Variants in AGAP3 observed in about 807,000 individuals in gnomAD.
AGAP3 encodes the protein ArfGAP with GTPase domain, ankyrin repeat and PH domain 3.
AGAP3 carries 24 observed loss-of-function variants against 96.9 expected under a neutral mutation model. The ratio of observed to expected loss-of-function variants is 0.25; its 90% CI spans 0.18 to 0.35. The LOEUF is 0.35. Among genes scored for constraint, AGAP3 ranks in the 10% least tolerant of loss-of-function variants. The pLI is 1.00. For synonymous variants in AGAP3, 563 were observed against 536.1 expected (o/e 1.05, Z -0.69); for missense variants, 876 against 1,254.2 (o/e 0.70, Z 4.55).
rs776750776 is a variant in AGAP3 at position 151,134,421 on chromosome 7, G to A, written c.1348G>A (p.Gly450Ser). 1.4e-5 allele frequency: 23 copies of A among 1,613,610 alleles called. No individual in the cohort carries two copies. Among genetic ancestry groups the A allele is most frequent in the Non-Finnish European group, 1.9e-5 (23 of 1,180,018 alleles). ...GCAGGATTACATGCAGAACATCCAC[G>A]GCAAGGAGATTGACCTGCTGCGGAC... is the stretch of plus-strand genomic sequence containing the variant. ...SLHDYMQNIH[G>S]KEIDLLRTTV... The change falls in exon 11 of 18, where the codon GGC becomes AGC. Residue 450 changes from glycine (G) to serine (S), a missense_variant. Physicochemically the swap from Gly to Ser is moderately conservative, Grantham distance 56. Transcript: ENST00000397238.
In AGAP3 at chr7:151,115,979, G is replaced by A. The variant is rs554533879; in HGVS notation, c.332-814G>A. ...TGAGGTTAGGGACTGCTGTGGACCT[G>A]GTCGTCATAACTGCTCTTTGACACA... is the stretch of plus-strand genomic sequence containing the variant. On this transcript the variant is annotated intron_variant, in intron 1 of 17. Transcript: ENST00000397238. Among the ~76,000 whole-genome samples the A allele has an allele frequency of 5.6e-4, 86 of 152,322 alleles. 1 individual carries two copies. The Middle Eastern group carries it at 0.014, about 24-fold the overall frequency.
chr7:151,120,445 T>C (rs900672524), intron 8 of AGAP3: 23 of 669,820 alleles, frequency 3.4e-5, no homozygotes, highest in Admixed American at 2.1e-4. Context: ...CTAGGCCCCT[T>C]TAGGGTGTCT....
intron 1 of AGAP3, among the ~76,000 whole-genome samples, chr7:151,110,999 C>T (rs901521120): frequency 1.3e-5 from 2 of 152,096 alleles, no homozygotes; most frequent in African/African-American, 4.8e-5. Context: ...GGACTGTGGC[C>T]CCACTGGGGA....
At position 151,143,247 on chromosome 7, in the gene AGAP3, C is replaced by T. The variant is rs370363045; in HGVS notation, c.2274-94C>T. The T allele has an allele frequency of 4.1e-5, 59 of 1,441,708 alleles. No homozygotes were observed. The highest frequency in any genetic ancestry group is 4.6e-5 in the East Asian group (2 of 43,560). The allele number at this position is 1,441,708 out of a possible 1,614,324, so 89.3% of individuals were successfully genotyped here. A position where few individuals can be genotyped will look rare whatever the true frequency, so the allele number is the denominator to read the frequency against. ...TCTCACTGTTTCTTCCTTGTTCCCC[C>T]GGGTGCTCGCTTCCTTTCCTGCCCA... On this transcript the variant is annotated intron_variant, in intron 16 of 17. Coordinates refer to ENST00000397238, the MANE Select transcript of AGAP3 (RefSeq NM_031946.7). This position sits in a 1 kb window ranked among gnomAD's most constrained non-coding sequence, Gnocchi z 5.9.
chr7:151,121,350 C>G lies in AGAP3; in HGVS notation c.1128+1205C>G, dbSNP rs574288713. Reference sequence around the variant, plus strand: ...TTGAGACATTAGAGCGTGGGGGGGGCCGCCTGCTCGAGCCCACACCTGCTG... The same window carrying G: ...TTGAGACATTAGAGCGTGGGGGGGGGCGCCTGCTCGAGCCCACACCTGCTG... On this transcript the variant is annotated intron_variant, in intron 8 of 17. Coordinates refer to ENST00000397238, the MANE Select transcript of AGAP3 (RefSeq NM_031946.7). 1.7e-4 allele frequency among the ~76,000 whole-genome samples: 26 copies of G among 151,792 alleles called. No homozygotes were observed. The South Asian group carries it at 4.2e-3, about 24-fold the overall frequency.
In AGAP3 at chr7:151,096,021, C is replaced by T. The variant is rs1279675469; in HGVS notation, c.331+8949C>T. Among the ~76,000 whole-genome samples the T allele has an allele frequency of 6.6e-6, 1 of 152,186 alleles. No homozygotes were observed. Among genetic ancestry groups the T allele is most frequent in the Non-Finnish European group, 1.5e-5 (1 of 68,040 alleles). ...TGTGACCTCGGGTGAGTTCCTTAAC[C>T]CCTCTGTGTCTTAGCTTCGCCATTG... On this transcript the variant is annotated intron_variant, in intron 1 of 17. Coordinates refer to ENST00000397238, the MANE Select transcript of AGAP3 (RefSeq NM_031946.7). The surrounding 1 kb of genome is among the most constrained non-coding windows in gnomAD (Gnocchi z 4.4).
chr7:151,102,035 G>A (rs573476834), intron 1 of AGAP3, among the ~76,000 whole-genome samples: 1 of 152,328 alleles, frequency 6.6e-6, no homozygotes, highest in Admixed American at 6.5e-5. Context: ...GCAGATGACA[G>A]CCTGCTTAGG....
In AGAP3 at chr7:151,118,344, G is replaced by T; in HGVS notation, c.841G>T (p.Val281Leu). 1 of 1,608,542 alleles carries T rather than the reference G, an allele frequency of 6.2e-7. No individual in the cohort carries two copies. Among genetic ancestry groups the T allele is most frequent in the Non-Finnish European group, 8.5e-7 (1 of 1,175,672 alleles). Residue 281 changes from valine to leucine, a missense_variant and splice_region_variant, in exon 6 of 18, where the codon GTG (valine) becomes TTG (leucine). Transcript: ENST00000397238. This position sits in a 1 kb window ranked among gnomAD's most constrained non-coding sequence, Gnocchi z 6.1. Reference sequence around the variant, plus strand: ...CAATGTGGAGCGTGTCTTCCAGGACGGTAACTCGGGTGCCGGGTGGGAGTC... The same window carrying T: ...CAATGTGGAGCGTGTCTTCCAGGACTGTAACTCGGGTGCCGGGTGGGAGTC... The part of the protein sequence containing the change: ...GLNVERVFQD[V>L]AQKVVALRKK...
chr7:151,086,840 C>G lies in AGAP3; in HGVS notation c.99C>G (p.Gly33=), dbSNP rs2150396402. 1 of 969,246 alleles carries G rather than the reference C, an allele frequency of 1.0e-6. No individual in the cohort carries two copies. The highest frequency in any genetic ancestry group is 4.6e-5 in the South Asian group (1 of 21,710). The allele number at this position is 969,246 out of a possible 1,614,324, so 60.0% of individuals were successfully genotyped here. ...CTGCCGCGCAGCAGCTCGTCTGCGG[C>G]GGGCAGTTCGGCGGCGCGGGGCCCG... is the stretch of plus-strand genomic sequence containing the variant. ...GGAAAQQLVC[G]GQFGGAGPGA... is the part of the protein sequence containing the mutation. Residue 33 remains glycine (G), a synonymous_variant, in exon 1 of 18, where the codon GGC becomes GGG. Coordinates refer to ENST00000397238, the MANE Select transcript of AGAP3 (RefSeq NM_031946.7).
chr7:151,138,083 A>G lies in AGAP3; in HGVS notation c.1496-60A>G, dbSNP rs903907582. 6.3e-6 allele frequency: 8 copies of G among 1,264,256 alleles called. No homozygotes were observed. The East Asian group carries it at 1.0e-4, about 16-fold the overall frequency. The allele number at this position is 1,264,256 out of a possible 1,614,324, so 78.3% of individuals were successfully genotyped here. On this transcript the variant is annotated intron_variant, in intron 11 of 17. Transcript: ENST00000397238. ...TCTGCAGCTCTATTTTTAGGATAGT[A>G]TCTTTGAGAATCCTCCCCTGCCCGG...
chr7:151,142,776 G>T lies in AGAP3; in HGVS notation c.2273+142G>T, dbSNP rs1800870376. The T allele has an allele frequency of 2.3e-6, 2 of 886,924 alleles. No homozygotes were observed. Among genetic ancestry groups the T allele is most frequent in the South Asian group, 1.7e-5 (1 of 58,120 alleles). 54.9% of individuals were successfully genotyped at this position (886,924 alleles called of 1,614,324 possible). ...CTGCTTGGCAGTTGGCCCCTTGGGGGTGCCCCTCCTGCTCTGGTGCCTGTC... is the reference window on the plus strand; with the variant it reads ...CTGCTTGGCAGTTGGCCCCTTGGGGTTGCCCCTCCTGCTCTGGTGCCTGTC... On this transcript the variant is annotated intron_variant, in intron 16 of 17. Coordinates refer to ENST00000397238, the MANE Select transcript of AGAP3 (RefSeq NM_031946.7). The surrounding 1 kb of genome is among the most constrained non-coding windows in gnomAD (Gnocchi z 7.5).
chr7:151,116,726 G>A, intron 1 of AGAP3, 67 bp from the exon 2 acceptor site: 1 of 1,580,204 alleles, frequency 6.3e-7, no homozygotes, highest in Non-Finnish European at 8.7e-7. Context: ...AGGTGACACA[G>A]GCAGCAGTGG....
In AGAP3 at chr7:151,096,960, T is replaced by A. The variant is rs534270952; in HGVS notation, c.331+9888T>A. 6.6e-6 allele frequency among the ~76,000 whole-genome samples: 1 copy of A among 152,002 alleles called. No homozygotes were observed. Among genetic ancestry groups the A allele is most frequent in the Admixed American group, 6.5e-5 (1 of 15,274 alleles). Reference sequence around the variant, plus strand: ...CCACCATGTCTGGCTAATTTTTGTATTTTTTGTAGAGACGGGGTTTTACCA... The same window carrying A: ...CCACCATGTCTGGCTAATTTTTGTAATTTTTGTAGAGACGGGGTTTTACCA... On this transcript the variant is annotated intron_variant, in intron 1 of 17. Transcript: ENST00000397238. This position sits in a 1 kb window ranked among gnomAD's most constrained non-coding sequence, Gnocchi z 4.4.
intron 1 of AGAP3, among the ~76,000 whole-genome samples, chr7:151,093,114 A>G (rs535041916): frequency 1.3e-5 from 2 of 152,234 alleles, no homozygotes; most frequent in South Asian, 2.1e-4. Context: ...ATATATATGT[A>G]TGTATGTATT....
chr7:151,087,181 C>T, intron 1 of AGAP3, 109 bp downstream of exon 1: 2 of 1,175,042 alleles, frequency 1.7e-6, no homozygotes, highest in East Asian at 2.6e-5. Flanking sequence ...GGGGTCCTTG[C>T]GCGCTTGAGG....
intron 9 of AGAP3, among the ~76,000 whole-genome samples, chr7:151,127,144 G>A (rs531206944): frequency 3.3e-5 from 5 of 152,310 alleles, no homozygotes; most frequent in African/African-American, 9.6e-5. Context: ...CTAGGAGTTA[G>A]CCTTCTATTA....
intron 1 of AGAP3, chr7:151,090,273 CCTGA>C (rs1462053185): frequency 8.6e-5 from 13 of 151,128 alleles, no homozygotes; most frequent in African/African-American, 2.7e-4. Flanking sequence ...TGGAAGTGGA[CCTGA>C]CTATTAGGTG....
intron 1 of AGAP3, among the ~76,000 whole-genome samples, chr7:151,105,936 G>A (rs184073937): frequency 7.9e-4 from 116 of 147,222 alleles, no homozygotes; most frequent in African/African-American, 2.8e-3. Flanking sequence ...GTATTTTGAC[G>A]TCTGCCCCCC....
chr7:151,116,598 T>C, intron 1 of AGAP3, 195 bp from the exon 2 acceptor site: 1 of 631,304 alleles, frequency 1.6e-6, no homozygotes. Flanking sequence ...AAGACCATCC[T>C]TACTCTGCTT....
Sources: allele counts gnomAD v4.1 joint callset (sites outside exome capture counted in the v4.1 genomes callset), GRCh38; gene constraint gnomAD v4.1.1; non-coding constraint Gnocchi (gnomAD v3.1); transcripts MANE v1.5; gene names NCBI Gene and HGNC (gene_info 2026-07-23, HGNC 2026-07-21).